Variants in ERC2 observed in about 807,000 individuals in gnomAD.
The protein encoded by ERC2 is ELKS/RAB6-interacting/CAST family member 2.
ERC2 carries 42 observed loss-of-function variants against 114.8 expected under a neutral mutation model. That is an observed-to-expected ratio of 0.37 (90% confidence interval 0.29 to 0.47). ERC2 has a LOEUF of 0.47. Ranked by LOEUF, ERC2 falls within the 20% of genes least tolerant of loss-of-function variation. ERC2 has a pLI of 0.99. For synonymous variants in ERC2, 454 were observed against 425.5 expected, an observed-to-expected ratio of 1.07 and a Z score of -0.82; for missense variants, 939 against 1,150.7, an observed-to-expected ratio of 0.82 and a Z score of 2.66.
intron 1 of ERC2, among the ~76,000 whole-genome samples, chr3:56,441,670 T>C (rs1312309473): frequency 6.6e-6 from 1 of 151,982 alleles, no homozygotes; most frequent in Non-Finnish European, 1.5e-5. Flanking sequence ...AGTGGCATAA[T>C]CTCGGCTCAC....
At chr3:55,671,789 A>G (rs1450698509) in intron 17 of ERC2, among the ~76,000 whole-genome samples, 1 of 152,090 alleles carries the variant, frequency 6.6e-6, no homozygotes, top group Admixed American at 6.5e-5. Flanking sequence ...GGCTCATCCT[A>G]TAGTCCAAGA....
chr3:56,185,545 A>T (rs775984423), intron 3 of ERC2, among the ~76,000 whole-genome samples: 1 of 152,178 alleles, frequency 6.6e-6, no homozygotes, highest in East Asian at 1.9e-4. Context: ...AACTGATGAG[A>T]TTTAGATGAG....
At chr3:55,722,836 G>C (rs1306275624) in intron 15 of ERC2, among the ~76,000 whole-genome samples, 1 of 152,238 alleles carries the variant, frequency 6.6e-6, no homozygotes, top group Admixed American at 6.5e-5. Context: ...TCAGAATGTA[G>C]CCTGAAAAAT....
chr3:56,348,892 G>GAAAGAAGGAAGA (rs2058423073), intron 2 of ERC2, among the ~76,000 whole-genome samples: 4 of 24,496 alleles, frequency 1.6e-4, no homozygotes, highest in African/African-American at 3.6e-4. Context: ...AGGAAGGAAG[G>GAAAGAAGGAAGA]AAGGAAGGAA....
chr3:56,427,827 A>G (rs1218522745), intron 2 of ERC2, among the ~76,000 whole-genome samples: 1 of 152,100 alleles, frequency 6.6e-6, no homozygotes, highest in Admixed American at 6.5e-5. Context: ...TGAGACAGTA[A>G]ATGTCTGCTG....
At chr3:56,253,496 G>A (rs901151) in intron 3 of ERC2, among the ~76,000 whole-genome samples, 69,829 of 152,022 alleles carry the variant, frequency 0.46, 16,271 homozygotes, top group Middle Eastern at 0.49. Flanking sequence ...GTGGAGTTAC[G>A]GAATCAAAAG....
intron 14 of ERC2, among the ~76,000 whole-genome samples, chr3:55,788,228 C>T (rs1048488546): frequency 6.6e-6 from 1 of 152,180 alleles, no homozygotes; most frequent in South Asian, 2.1e-4. Flanking sequence ...GGATGTAGAT[C>T]TACATGTCTG....
chr3:55,519,781 C>T (rs1000817194), intron 17 of ERC2, among the ~76,000 whole-genome samples: 1 of 152,032 alleles, frequency 6.6e-6, no homozygotes, highest in Non-Finnish European at 1.5e-5. Context: ...GCCTGTAATC[C>T]CAGAGCTTTG....
At chr3:56,016,427 CTTTTT>C (rs11430130) in intron 8 of ERC2, among the ~76,000 whole-genome samples, 1 of 141,242 alleles carries the variant, frequency 7.1e-6, no homozygotes, top group African/African-American at 2.6e-5. Context: ...CTTTTTTTTT[CTTTTT>C]TTTTTTTTAA....
chr3:56,238,940 C>T (rs1349627778), intron 3 of ERC2, among the ~76,000 whole-genome samples: 2 of 152,206 alleles, frequency 1.3e-5, no homozygotes, highest in African/African-American at 4.8e-5. Flanking sequence ...CAGCTTCTGG[C>T]TTGCCCTTTC....
At chr3:56,264,635 G>C (rs1260879817) in intron 3 of ERC2, among the ~76,000 whole-genome samples, 1 of 150,868 alleles carries the variant, frequency 6.6e-6, no homozygotes, top group Admixed American at 6.6e-5. Context: ...ACAAGAAAAG[G>C]CACTCAAATA....
intron 12 of ERC2, among the ~76,000 whole-genome samples, chr3:55,957,703 A>C (rs1359272621): frequency 6.6e-6 from 1 of 152,138 alleles, no homozygotes; most frequent in Non-Finnish European, 1.5e-5. Flanking sequence ...TACTACGCAC[A>C]GCCAGGTGTT....
At chr3:55,571,118 C>A (rs1482075441) in intron 17 of ERC2, among the ~76,000 whole-genome samples, 7 of 119,388 alleles carry the variant, frequency 5.9e-5, no homozygotes, top group Middle Eastern at 0.011. Context: ...CAGAGCGAGA[C>A]TCCGTCAAAA....
At chr3:55,756,766 T>C (rs2148983897) in intron 14 of ERC2, among the ~76,000 whole-genome samples, 1 of 152,254 alleles carries the variant, frequency 6.6e-6, no homozygotes, top group South Asian at 2.1e-4. Context: ...TAGTCAGTCC[T>C]TTTTACCTCC....
chr3:56,155,536 G>C (rs1430879331), intron 4 of ERC2, among the ~76,000 whole-genome samples: 3 of 151,916 alleles, frequency 2.0e-5, no homozygotes, highest in African/African-American at 7.3e-5. Context: ...TAAGTTTTCT[G>C]TTACCTATAA....
At chr3:56,358,145 A>T (rs1239904498) in intron 2 of ERC2, among the ~76,000 whole-genome samples, 1 of 152,104 alleles carries the variant, frequency 6.6e-6, no homozygotes, top group East Asian at 1.9e-4. Flanking sequence ...TTATTGTTGG[A>T]ATGAACTTGA....
At chr3:56,239,901 T>C (rs139587466) in intron 3 of ERC2, among the ~76,000 whole-genome samples, 2 of 152,264 alleles carry the variant, frequency 1.3e-5, no homozygotes, top group South Asian at 2.1e-4. Context: ...AAAACAAACA[T>C]AGAGCAATGA....
intron 1 of ERC2, among the ~76,000 whole-genome samples, chr3:56,461,420 A>T (rs970030293): frequency 1.6e-4 from 25 of 152,200 alleles, no homozygotes; most frequent in Non-Finnish European, 2.6e-4. Flanking sequence ...GCCCAGGCAG[A>T]TGAAGGGCTC....
chr3:56,212,396 G>T (rs143523012), intron 3 of ERC2, among the ~76,000 whole-genome samples: 2 of 151,900 alleles, frequency 1.3e-5, no homozygotes, highest in East Asian at 3.9e-4. Context: ...AATCAAAACC[G>T]CAATGTGATA....
Sources: allele counts gnomAD v4.1 joint callset (sites outside exome capture counted in the v4.1 genomes callset), GRCh38; gene constraint gnomAD v4.1.1; transcripts MANE v1.5; gene names NCBI Gene and HGNC (gene_info 2026-07-23, HGNC 2026-07-21).